BBOF1: variants seen among roughly 807,000 people sequenced by gnomAD.
The protein encoded by BBOF1 is basal body orientation factor 1, also known as basal body-orientation factor 1.
BBOF1 carries 62 observed loss-of-function variants against 68.0 expected under a neutral mutation model. The ratio of observed to expected loss-of-function variants is 0.91; its 90% CI spans 0.74 to 1.13. The LOEUF (loss-of-function observed/expected upper bound fraction) is 1.13, where lower values mean the gene tolerates loss of function less well. Ranked by LOEUF, BBOF1 falls within the 50% of genes most tolerant of loss-of-function variation. BBOF1 has a pLI of 0.00. For missense variants in BBOF1, 534 were observed against 600.1 expected (o/e 0.89, Z 1.15); for synonymous variants, 208 against 198.8 (o/e 1.05, Z -0.39).
chr14:74,047,213 T>TGAGA (rs2059970326), intron 6 of BBOF1, among the ~76,000 whole-genome samples: 1 of 152,150 alleles, frequency 6.6e-6, no homozygotes, highest in Non-Finnish European at 1.5e-5. Context: ...TAATGGTTTA[T>TGAGA]TTCTTGTTCA....
At chr14:74,028,942 T>C (rs2059500888) in intron 2 of BBOF1, among the ~76,000 whole-genome samples, 1 of 116,164 alleles carries the variant, frequency 8.6e-6, no homozygotes, top group Admixed American at 8.8e-5. Context: ...TTGCTTTTAT[T>C]TTTAACCACA....
intron 6 of BBOF1, among the ~76,000 whole-genome samples, chr14:74,046,466 G>A (rs901859111): frequency 2.0e-5 from 3 of 152,070 alleles, no homozygotes; most frequent in Admixed American, 6.6e-5. Flanking sequence ...TCTGCCTCCC[G>A]AGTTCAGGCG....
chr14:74,081,997 A>C (rs1046890118), intron 12 of BBOF1, among the ~76,000 whole-genome samples: 13 of 152,174 alleles, frequency 8.5e-5, no homozygotes, highest in Admixed American at 2.6e-4. Flanking sequence ...GCTTGAGTTT[A>C]AGAGTTCAAG....
Position 74,046,138 on chromosome 14 carries a change from ACTGCTGC to A in BBOF1, c.647+11_647+17del, listed in dbSNP as rs757682256. ...CCACCATGAGGCTATTGTGTAAGAGACTGCTGCCTACTTTCTGACTCTGATTACCTCT... is the reference window on the plus strand; with the variant it reads ...CCACCATGAGGCTATTGTGTAAGAGACTACTTTCTGACTCTGATTACCTCT... On this transcript the variant is annotated intron_variant, in intron 6 of 11. Coordinates refer to ENST00000394009, the MANE Select transcript of BBOF1 (RefSeq NM_025057.3). 85 of 1,593,440 alleles carry A rather than the reference ACTGCTGC, an allele frequency of 5.3e-5. No homozygotes were observed. Among genetic ancestry groups the A allele is most frequent in the Non-Finnish European group, 7.0e-5 (82 of 1,170,450 alleles).
At chr14:74,033,991 C>G in intron 3 of BBOF1, 37 bp from the exon 4 acceptor site, 1 of 1,549,524 alleles carries the variant, frequency 6.5e-7, no homozygotes, top group South Asian at 1.3e-5. Context: ...GACTTCTGTT[C>G]TTTTTCCTAA....
chr14:74,039,603 T>G (rs2059787485), intron 4 of BBOF1, among the ~76,000 whole-genome samples: 1 of 151,530 alleles, frequency 6.6e-6, no homozygotes, highest in African/African-American at 2.4e-5. Context: ...TAATTTTTTT[T>G]TTTTTTGTAT....
chr14:74,057,654 A>C (rs1388509745), intron 11 of BBOF1: 1 of 1,329,326 alleles, frequency 7.5e-7, no homozygotes, highest in African/African-American at 1.5e-5. Flanking sequence ...TGATTTTTTT[A>C]AGCCAAGTTT....
At chr14:74,042,700 C>G (rs773786579) in intron 5 of BBOF1, among the ~76,000 whole-genome samples, 7 of 152,122 alleles carry the variant, frequency 4.6e-5, no homozygotes, top group Non-Finnish European at 1.0e-4. Flanking sequence ...CCCACCTACT[C>G]TGGAGACTGA....
intron 8 of BBOF1, among the ~76,000 whole-genome samples, chr14:74,051,320 C>A (rs2060063719): frequency 6.6e-6 from 1 of 151,418 alleles, no homozygotes; most frequent in African/African-American, 2.4e-5. Context: ...TCAGTAGGCA[C>A]AAGAATCGCT....
intron 4 of BBOF1, among the ~76,000 whole-genome samples, chr14:74,039,021 T>C (rs1566802115): frequency 6.6e-6 from 1 of 152,240 alleles, no homozygotes; most frequent in Non-Finnish European, 1.5e-5. Flanking sequence ...TTTAGTCTTC[T>C]TTTGACAAAA....
rs754492846 is a variant in BBOF1 at position 74,049,777 on chromosome 14, A to C, written c.868A>C (p.Lys290Gln). 8.1e-6 allele frequency: 13 copies of C among 1,614,084 alleles called. No individual in the cohort carries two copies. Among genetic ancestry groups the C allele is most frequent in the South Asian group, 2.2e-5 (2 of 91,090 alleles). ...QQRSQIQTLQ[K>Q]KVVNLETALS... ...GAGATCACAAATCCAAACCCTTCAG[A>C]AGAAGGTAGTAAACTTGGAGACTGC... Residue 290 changes from lysine (K) to glutamine (Q), a missense_variant, in exon 8 of 12, where the codon AAG becomes CAG. Coordinates refer to ENST00000394009, the MANE Select transcript of BBOF1 (RefSeq NM_025057.3).
intron 11 of BBOF1, chr14:74,060,145 A>G (rs977065088): frequency 6.3e-6 from 1 of 157,920 alleles, no homozygotes; most frequent in Admixed American, 6.0e-5. Flanking sequence ...CTTCTTTAAA[A>G]AATTTTTTTT....
Position 74,027,082 on chromosome 14 carries a change from CTT to C in BBOF1, c.286-2081_286-2080del, listed in dbSNP as rs1189972161. Among the ~76,000 whole-genome samples the C allele has an allele frequency of 3.1e-4, 27 of 88,174 alleles. No homozygotes were observed. The South Asian group carries it at 8.6e-3, about 28-fold the overall frequency. The allele number at this position is 88,174 out of a possible 152,430, so 57.8% of individuals were successfully genotyped here. A position where few individuals can be genotyped will look rare whatever the true frequency, so the allele number is the denominator to read the frequency against. ...TGAATAAATAAGGGAGAAAGGAAGCCTTTTTTTTTTTTTTTTTTTTTTGAGAC... is the reference window on the plus strand; with the variant it reads ...TGAATAAATAAGGGAGAAAGGAAGCCTTTTTTTTTTTTTTTTTTTTGAGAC... On this transcript the variant is annotated intron_variant, in intron 2 of 11. Coordinates refer to ENST00000394009, the MANE Select transcript of BBOF1 (RefSeq NM_025057.3).
chr14:74,067,905 A>G (rs2060493476), downstream of BBOF1, among the ~76,000 whole-genome samples: 1 of 151,882 alleles, frequency 6.6e-6, no homozygotes, highest in Non-Finnish European at 1.5e-5. Context: ...AGACTGGGTG[A>G]CAGAGTGAGA....
In BBOF1 at chr14:74,062,776, C is replaced by T. The variant is rs116402099; in HGVS notation, c.1579-1912C>T. On this transcript the variant is annotated intron_variant, in intron 11 of 11. Transcript: ENST00000394009. ...TAAATAAAATAAAAAAGCCCCACAT[C>T]CCTCGCCCTGTGGCAGCACATAGCT... is the stretch of plus-strand genomic sequence containing the variant. Among the ~76,000 whole-genome samples the T allele has an allele frequency of 6.9e-3, 1,047 of 152,174 alleles. 14 individuals carry two copies. Among genetic ancestry groups the T allele is most frequent in the African/African-American group, 0.024 (1,008 of 41,530 alleles).
At chr14:74,067,117 G>C (rs1125606), downstream of BBOF1, among the ~76,000 whole-genome samples, 16,971 of 152,200 alleles carry the variant, frequency 0.11, 1,245 homozygotes, top group Admixed American at 0.19. Context: ...AGGAGGCTGA[G>C]GCAGGAGGAT....
In BBOF1 at chr14:74,022,958, G is replaced by A; in HGVS notation, c.99G>A (p.Lys33=). ...KTDESVVDRA[K]ANASLWEARL... is the part of the protein sequence containing the mutation. ...ATGAATCTGTGGTGGACAGAGCCAA[G>A]GCCAATGCCTCCCTTTGGGAGGCCA... Residue 33 remains lysine, a synonymous_variant, in exon 2 of 12, where the codon AAG becomes AAA. Coordinates refer to ENST00000394009, the MANE Select transcript of BBOF1 (RefSeq NM_025057.3). The A allele has an allele frequency of 6.2e-7, 1 of 1,613,394 alleles. No homozygotes were observed. The highest frequency in any genetic ancestry group is 1.7e-5 in the Admixed American group (1 of 59,948).
chr14:74,045,994 A>G, intron 5 of BBOF1, 66 bp from the exon 6 acceptor site: 4 of 1,383,678 alleles, frequency 2.9e-6, no homozygotes, highest in Non-Finnish European at 4.0e-6. Flanking sequence ...TAAAATAAAT[A>G]TCTTTTGATG....
At chr14:74,077,615 C>T (rs1399713458) in intron 9 of BBOF1, among the ~76,000 whole-genome samples, 1 of 152,114 alleles carries the variant, frequency 6.6e-6, no homozygotes, top group Non-Finnish European at 1.5e-5. Context: ...GGGAACTAAT[C>T]CAGTCTCAAA....
Sources: gnomAD v4.1 joint callset for allele counts (sites outside exome capture counted in the v4.1 genomes callset) on GRCh38, gnomAD v4.1.1 for gene constraint, MANE v1.5 for transcripts, NCBI Gene and HGNC (gene_info 2026-07-23, HGNC 2026-07-21) for gene names.